Variants in GNA12 observed in about 807,000 individuals in gnomAD.
GNA12 encodes the protein G protein subunit alpha 12.
A neutral mutation model predicts 26.0 loss-of-function variants in GNA12; 9 were observed. That is an observed-to-expected ratio of 0.35 (90% CI 0.21 to 0.60). The LOEUF (loss-of-function observed/expected upper bound fraction) is 0.60, where lower values mean the gene tolerates loss of function less well. Ranked by LOEUF, GNA12 falls within the 20% of genes least tolerant of loss-of-function variation. The pLI, the probability that GNA12 is intolerant of heterozygous loss-of-function variation, is 0.78. For synonymous variants in GNA12, 264 were observed against 219.6 expected, an observed-to-expected ratio of 1.20 and a Z score of -1.79; for missense variants, 405 against 525.8, an observed-to-expected ratio of 0.77 and a Z score of 2.25.
At chr7:2,822,705 A>G (rs890230771) in intron 1 of GNA12, among the ~76,000 whole-genome samples, 2 of 152,306 alleles carry the variant, frequency 1.3e-5, no homozygotes, top group Non-Finnish European at 2.9e-5. Context: ...CCAGCTACAC[A>G]GGAGGCTGAA....
chr7:2,843,747 G>A, intron 1 of GNA12, 106 bp downstream of exon 1: 2 of 490,672 alleles, frequency 4.1e-6, no homozygotes, highest in Non-Finnish European at 3.5e-6. Context: ...CAGCATCCTC[G>A]CCCCAGGGGT....
chr7:2,736,256 C>T (rs1045649619), intron 2 of GNA12, among the ~76,000 whole-genome samples: 8 of 152,206 alleles, frequency 5.3e-5, no homozygotes, highest in Non-Finnish European at 8.8e-5. Context: ...AGAGTCCTCT[C>T]AACGGCTGCT....
chr7:2,736,331 A>G (rs766655094), intron 2 of GNA12, among the ~76,000 whole-genome samples: 2 of 152,168 alleles, frequency 1.3e-5, no homozygotes, highest in African/African-American at 2.4e-5. Context: ...CCTTGGTGTG[A>G]AAAACCTACA....
intron 1 of GNA12, among the ~76,000 whole-genome samples, chr7:2,796,661 C>T (rs1040530377): frequency 2.0e-5 from 3 of 152,200 alleles, no homozygotes; most frequent in Admixed American, 2.0e-4. Context: ...GATTTAACGT[C>T]ACCATCGTTT....
intron 2 of GNA12, among the ~76,000 whole-genome samples, chr7:2,785,886 A>G (rs1201001163): frequency 6.6e-6 from 1 of 152,222 alleles, no homozygotes; most frequent in East Asian, 1.9e-4. Context: ...ATCTCTACTA[A>G]AAATACGAAA....
chr7:2,765,789 C>G (rs566891120), intron 2 of GNA12, among the ~76,000 whole-genome samples: 183 of 151,956 alleles, frequency 1.2e-3, no homozygotes, highest in African/African-American at 3.7e-3. Context: ...TGCCAATACA[C>G]CCAGCTAATT....
At chr7:2,826,326 G>A (rs894175503) in intron 1 of GNA12, among the ~76,000 whole-genome samples, 5 of 147,038 alleles carry the variant, frequency 3.4e-5, no homozygotes, top group Admixed American at 6.9e-5. Context: ...GCAGTGAGCC[G>A]AGATCACGCC....
chr7:2,815,004 A>C, intron 1 of GNA12: 1 of 1,538,164 alleles, frequency 6.5e-7, no homozygotes, highest in Non-Finnish European at 8.8e-7. Flanking sequence ...TCCAGGTCTA[A>C]TCTCGCCCCT....
intron 1 of GNA12, 122 bp from the exon 2 acceptor site, chr7:2,795,265 A>C: frequency 2.8e-6 from 2 of 723,098 alleles, no homozygotes; most frequent in Non-Finnish European, 4.7e-6. Flanking sequence ...TGAGCTGTGC[A>C]GCCTGAGTCT....
chr7:2,743,048 A>G (rs994114517), intron 2 of GNA12, among the ~76,000 whole-genome samples: 17 of 152,214 alleles, frequency 1.1e-4, no homozygotes, highest in African/African-American at 2.7e-4. Context: ...CAGGAGAACA[A>G]GAGGACAGAG....
At chr7:2,786,189 A>T (rs1032730803) in intron 2 of GNA12, among the ~76,000 whole-genome samples, 2 of 152,256 alleles carry the variant, frequency 1.3e-5, no homozygotes, top group African/African-American at 4.8e-5. Context: ...ACGCTCACCA[A>T]TGCCAGTCTC....
At chr7:2,752,015 T>A (rs1198750438) in intron 2 of GNA12, among the ~76,000 whole-genome samples, 1 of 152,136 alleles carries the variant, frequency 6.6e-6, no homozygotes, top group East Asian at 1.9e-4. Flanking sequence ...GCCAGCATCA[T>A]CCTGGTACCC....
intron 2 of GNA12, among the ~76,000 whole-genome samples, chr7:2,734,976 T>C (rs552495432): frequency 1.3e-5 from 2 of 152,222 alleles, no homozygotes; most frequent in African/African-American, 4.8e-5. Flanking sequence ...CAAGCCCCCG[T>C]GATGTGGGAA....
chr7:2,768,065 G>A (rs1484415052), intron 2 of GNA12, among the ~76,000 whole-genome samples: 2 of 152,142 alleles, frequency 1.3e-5, no homozygotes, highest in African/African-American at 4.8e-5. Context: ...ATATTGGTCA[G>A]GCTGGTCTCG....
chr7:2,731,397 G>C lies in GNA12; in HGVS notation c.930C>G (p.Ile310Met). ...CCCTGAAGTCCGGGAAGTGCTTCTT[G>C]ATGCTCACGGTCTTCACCTTCTCCA... ...LLVEKVKTVS[I>M]KKHFPDFRGD... is the part of the protein sequence containing the mutation. The change falls in exon 4 of 4, where the codon ATC becomes ATG. Residue 310 changes from isoleucine to methionine, a missense_variant. Coordinates refer to ENST00000275364, the MANE Select transcript of GNA12 (RefSeq NM_007353.3). This position sits in a 1 kb window ranked among gnomAD's most constrained non-coding sequence, Gnocchi z 6.0. 1.2e-6 allele frequency: 2 copies of C among 1,613,326 alleles called. No homozygotes were observed. Among genetic ancestry groups the C allele is most frequent in the Non-Finnish European group, 1.7e-6 (2 of 1,179,424 alleles).
intron 2 of GNA12, among the ~76,000 whole-genome samples, chr7:2,748,766 C>T: frequency 6.6e-6 from 1 of 152,076 alleles, no homozygotes; most frequent in African/African-American, 2.4e-5. Flanking sequence ...ACTCATCTGA[C>T]AAAGGGCTAA....
chr7:2,834,982 G>A (rs150092334), intron 1 of GNA12, among the ~76,000 whole-genome samples: 1 of 152,100 alleles, frequency 6.6e-6, no homozygotes, highest in Non-Finnish European at 1.5e-5. Flanking sequence ...TATACATTGC[G>A]ATGCGTGACT....
chr7:2,844,175 G>C lies in GNA12; in HGVS notation c.-14C>G, dbSNP rs1779097918. The C allele has an allele frequency of 1.0e-6, 1 of 981,304 alleles. No homozygotes were observed. The highest frequency in any genetic ancestry group is 6.3e-5 in the Admixed American group (1 of 15,756). The allele number at this position is 981,304 out of a possible 1,614,324, so 60.8% of individuals were successfully genotyped here. On this transcript the variant is annotated 5_prime_UTR_variant, in exon 1 of 4. Coordinates refer to ENST00000275364, the MANE Select transcript of GNA12 (RefSeq NM_007353.3). ...CACCCCGGACATGGCCCCTCAGGCC[G>C]CGGCCGCGCCCCGCCGGCGCCCGGG... is the stretch of plus-strand genomic sequence containing the variant.
Position 2,795,036 on chromosome 7 carries a change from C to T in GNA12, c.417G>A (p.Gly139=), listed in dbSNP as rs772726296. The T allele has an allele frequency of 6.2e-7, 1 of 1,614,022 alleles. No individual in the cohort carries two copies. Among genetic ancestry groups the T allele is most frequent in the South Asian group, 1.1e-5 (1 of 91,080 alleles). Reference sequence around the variant, plus strand: ...GGAAGGTGGCCGGCTCCACAGGCAGCCCCGCCTTGTTCTCGAAGGCCATCA... The same window carrying T: ...GGAAGGTGGCCGGCTCCACAGGCAGTCCCGCCTTGTTCTCGAAGGCCATCA... ...MFLMAFENKA[G]LPVEPATFQL... is the part of the protein sequence containing the mutation. The change falls in exon 2 of 4, where the codon GGG becomes GGA. Residue 139 remains glycine, a synonymous_variant. Coordinates refer to ENST00000275364, the MANE Select transcript of GNA12 (RefSeq NM_007353.3).
Sources: gnomAD v4.1 joint callset for allele counts (sites outside exome capture counted in the v4.1 genomes callset) on GRCh38, gnomAD v4.1.1 for gene constraint, Gnocchi (gnomAD v3.1) non-coding constraint, MANE v1.5 for transcripts, NCBI Gene and HGNC (gene_info 2026-07-23, HGNC 2026-07-21) for gene names.